The following MAP4 variants were observed in gnomAD, a reference collection of about 807,000 sequenced individuals.
MAP4 encodes the protein microtubule-associated protein 4.
Under a neutral mutation model 170.2 loss-of-function variants are expected in MAP4, and 76 were observed. The ratio of observed to expected loss-of-function variants is 0.45; its 90% CI spans 0.37 to 0.54. MAP4 has a LOEUF of 0.54. MAP4 is among the 20% of genes least tolerant of loss of function. MAP4 has a pLI of 0.00. For synonymous variants in MAP4, 909 were observed against 994.5 expected, an observed-to-expected ratio of 0.91 and a Z score of 1.62; for missense variants, 2,506 against 2,748.0, an observed-to-expected ratio of 0.91 and a Z score of 1.97.
intron 2 of MAP4, among the ~76,000 whole-genome samples, chr3:47,978,449 T>C (rs2100083460): frequency 6.6e-6 from 1 of 152,056 alleles, no homozygotes; most frequent in African/African-American, 2.4e-5. Context: ...TCCCGAGTAG[T>C]TGGGATTGCA....
chr3:48,050,917 A>G (rs1197697503), intron 1 of MAP4, among the ~76,000 whole-genome samples: 1 of 152,078 alleles, frequency 6.6e-6, no homozygotes. Context: ...AAAAAAAAAA[A>G]AAGGCAGAAA....
intron 19 of MAP4, among the ~76,000 whole-genome samples, chr3:47,854,870 G>A (rs1458037610): frequency 1.3e-5 from 2 of 152,078 alleles, no homozygotes; most frequent in African/African-American, 2.4e-5. Flanking sequence ...CATGGGGCGG[G>A]AACCCACATT....
intron 3 of MAP4, among the ~76,000 whole-genome samples, chr3:47,934,315 A>G (rs989633449): frequency 6.6e-5 from 10 of 152,136 alleles, no homozygotes; most frequent in African/African-American, 2.4e-4. Context: ...CTGATGGCAT[A>G]GTTTTGAGAC....
chr3:47,930,715 TC>T (rs1178521555), intron 3 of MAP4, among the ~76,000 whole-genome samples: 1 of 151,282 alleles, frequency 6.6e-6, no homozygotes, highest in African/African-American at 2.4e-5. Flanking sequence ...GATCACAAGG[TC>T]AGGAAATCGA....
chr3:48,035,761 GA>G (rs1238977772), intron 1 of MAP4, among the ~76,000 whole-genome samples: 1 of 152,064 alleles, frequency 6.6e-6, no homozygotes, highest in East Asian at 1.9e-4. Flanking sequence ...CCAACATGAT[GA>G]AACCCCGCCT....
At chr3:48,058,400 AC>A (rs1333390186) in intron 1 of MAP4, among the ~76,000 whole-genome samples, 2 of 152,232 alleles carry the variant, frequency 1.3e-5, no homozygotes, top group East Asian at 3.8e-4. Context: ...ACACATAAAT[AC>A]TACACATACC....
intron 1 of MAP4, among the ~76,000 whole-genome samples, chr3:48,025,352 G>C (rs1347266257): frequency 6.7e-6 from 1 of 149,280 alleles, no homozygotes; most frequent in Non-Finnish European, 1.5e-5. Context: ...GCAATGGTGC[G>C]ATCTCGGCTC....
chr3:47,954,033 C>A (rs1030914255), intron 3 of MAP4, among the ~76,000 whole-genome samples: 8 of 150,176 alleles, frequency 5.3e-5, no homozygotes, highest in Admixed American at 1.3e-4. Flanking sequence ...AAAAAAAAAA[C>A]AAACAACAAC....
At chr3:47,987,281 G>A (rs1365564343) in intron 2 of MAP4, 2 of 817,700 alleles carry the variant, frequency 2.4e-6, no homozygotes, top group African/African-American at 3.4e-5. Context: ...TATTATTCCT[G>A]TGCTAGAGCA....
rs746099244 is a variant in MAP4 at position 47,910,672 on chromosome 3, G to T, written c.3749C>A (p.Thr1250Asn). The stretch of plus-strand genomic sequence containing the variant: ...CTTGCTTTTATGGGGAATACTACCA[G>T]TATCTCCATCCTTCCCTTCAAAAGG... ...NPPFEGKDGD[T>N]GSIPHKSKEI... The change falls in exon 9 of 21, where the codon ACT (threonine) becomes AAT (asparagine). Residue 1250 changes from threonine to asparagine, a missense_variant. This residue lies in a region of MAP4 where 2,008 missense variants were observed against 2,206.0 expected (regional missense o/e 0.91). Transcript: ENST00000683076. 6.5e-7 allele frequency: 1 copy of T among 1,535,996 alleles called. No individual in the cohort carries two copies. The highest frequency in any genetic ancestry group is 1.7e-4 in the Middle Eastern group (1 of 5,990).
In MAP4 at chr3:47,875,887, G is replaced by A; in HGVS notation, c.5555C>T (p.Thr1852Ile). 1.2e-6 allele frequency: 2 copies of A among 1,610,518 alleles called. No homozygotes were observed. The highest frequency in any genetic ancestry group is 1.1e-5 in the South Asian group (1 of 90,426). The change falls in exon 12 of 21, where the codon ACT (threonine) becomes ATT (isoleucine). Residue 1852 changes from threonine to isoleucine, a missense_variant. By Grantham distance (89) the Thr-to-Ile change is moderately conservative (BLOSUM62 -1). Around this residue, in one of 3 missense-constraint regions of MAP4, gnomAD observed 2,008 missense variants for 2,206.0 expected, o/e 0.91. Transcript: ENST00000683076. ...CGATGTTGAAGTCTTTGCAGGTTGA[G>A]TGGTGGCCAAAGGCTTTAGGTTGAT... ...PEKKTKPLAT[T>I]QPAKTSTSKA...
intron 1 of MAP4, among the ~76,000 whole-genome samples, chr3:48,081,310 A>T (rs933844125): frequency 6.6e-6 from 1 of 151,454 alleles, no homozygotes; most frequent in Non-Finnish European, 1.5e-5. Context: ...TAAATAAAAT[A>T]AATAAATAAA....
intron 3 of MAP4, among the ~76,000 whole-genome samples, chr3:47,976,416 T>C (rs2154266910): frequency 6.6e-6 from 1 of 152,336 alleles, no homozygotes; most frequent in South Asian, 2.1e-4. Flanking sequence ...GTTGTTTCCT[T>C]CCTGGATGAA....
Position 47,952,428 on chromosome 3 carries a change from G to A in MAP4, c.293-24078C>T, listed in dbSNP as rs753006753. Reference sequence around the variant, plus strand: ...GAGAACGGGCCATGATGACAATGGCGGTTTTGTGGAATAGAAAAGGGGGAA... The same window carrying A: ...GAGAACGGGCCATGATGACAATGGCAGTTTTGTGGAATAGAAAAGGGGGAA... On this transcript the variant is annotated intron_variant, in intron 3 of 20. Coordinates refer to ENST00000683076, the MANE Select transcript of MAP4 (RefSeq NM_001385682.1). Among the ~76,000 whole-genome samples the A allele has an allele frequency of 2.5e-3, 373 of 152,174 alleles. 1 individual carries two copies. Among genetic ancestry groups the A allele is most frequent in the Non-Finnish European group, 4.5e-3 (304 of 67,980 alleles).
intron 1 of MAP4, among the ~76,000 whole-genome samples, chr3:48,014,485 C>A (rs1192542561): frequency 6.6e-6 from 1 of 152,120 alleles, no homozygotes; most frequent in Non-Finnish European, 1.5e-5. Flanking sequence ...TGGCAAAACC[C>A]CATCTCTACA....
intron 10 of MAP4, among the ~76,000 whole-genome samples, chr3:47,880,217 C>T (rs1007120414): frequency 6.6e-6 from 1 of 151,706 alleles, no homozygotes; most frequent in Non-Finnish European, 1.5e-5. Context: ...CCTCAGCCTC[C>T]CAAGTAGCTG....
At chr3:48,014,293 G>A (rs2100106714) in intron 1 of MAP4, among the ~76,000 whole-genome samples, 1 of 152,068 alleles carries the variant, frequency 6.6e-6, no homozygotes, top group African/African-American at 2.4e-5. Flanking sequence ...TAGGTCATTC[G>A]CATCTAGAGC....
At chr3:47,964,052 A>C (rs2100073321) in intron 3 of MAP4, among the ~76,000 whole-genome samples, 1 of 152,210 alleles carries the variant, frequency 6.6e-6, no homozygotes, top group African/African-American at 2.4e-5. Context: ...CATGAAGCAA[A>C]GTAAGTAAAG....
At chr3:47,919,916 TTTGTTGTTGTTG>T (rs34455536) in intron 5 of MAP4, among the ~76,000 whole-genome samples, 1 of 151,074 alleles carries the variant, frequency 6.6e-6, no homozygotes, top group Non-Finnish European at 1.5e-5. Flanking sequence ...TTGTAGCAGT[TTTGTTGTTGTTG>T]TTGTTGTTGT....
Sources: gnomAD v4.1 joint callset for allele counts (sites outside exome capture counted in the v4.1 genomes callset) on GRCh38, gnomAD v4.1.1 for gene constraint, gnomAD v4.1.1 regional missense constraint, MANE v1.5 for transcripts, NCBI Gene and HGNC (gene_info 2026-07-23, HGNC 2026-07-21) for gene names.